Variants in HIPK2 observed in about 807,000 individuals in gnomAD.
The protein encoded by HIPK2 is homeodomain-interacting protein kinase 2.
Under a neutral mutation model 113.7 loss-of-function variants are expected in HIPK2, and 27 were observed. The ratio of observed to expected loss-of-function variants is 0.24; its 90% CI spans 0.17 to 0.33. The LOEUF is 0.33. Among genes scored for constraint, HIPK2 ranks in the 10% least tolerant of loss-of-function variants. The pLI, the probability that HIPK2 is intolerant of heterozygous loss-of-function variation, is 1.00. For missense variants in HIPK2, 1,257 were observed against 1,588.0 expected, an observed-to-expected ratio of 0.79 and a Z score of 3.54; for synonymous variants, 631 against 642.2, an observed-to-expected ratio of 0.98 and a Z score of 0.26.
intron 1 of HIPK2, among the ~76,000 whole-genome samples, chr7:139,744,075 A>T (rs1316298837): frequency 3.9e-5 from 6 of 152,240 alleles, no homozygotes; most frequent in African/African-American, 1.4e-4. Context: ...ATGGGATACC[A>T]AGAAAACTGA....
At chr7:139,575,441 G>A (rs1585227632) in intron 13 of HIPK2, 153 bp from the exon 14 acceptor site, 3 of 423,698 alleles carry the variant, frequency 7.1e-6, no homozygotes, top group Non-Finnish European at 9.5e-6. Context: ...GACCCACTAG[G>A]ACTTTGCCTT....
intron 13 of HIPK2, among the ~76,000 whole-genome samples, chr7:139,576,837 C>T (rs536797490): frequency 8.7e-4 from 132 of 152,330 alleles, no homozygotes; most frequent in African/African-American, 3.0e-3. Context: ...CCCCAGAGGG[C>T]GGGAGCTCTG....
chr7:139,683,490 G>A lies in HIPK2; in HGVS notation c.1103+32442C>T, dbSNP rs79153195. On this transcript the variant is annotated intron_variant, in intron 2 of 14. Transcript: ENST00000406875. The surrounding 1 kb of genome is among the most constrained non-coding windows in gnomAD (Gnocchi z 4.2). ...CTGCTCACAACACGGGAGCCAAAGC[G>A]AGAAATACCAGAGAGAGAGACACAC... is the stretch of plus-strand genomic sequence containing the variant. Among the ~76,000 whole-genome samples the A allele has an allele frequency of 3.8e-3, 579 of 151,538 alleles. No individual in the cohort carries two copies. The highest frequency in any genetic ancestry group is 6.5e-3 in the Non-Finnish European group (439 of 68,028).
rs562319488 is a variant in HIPK2, at chr7:139,608,596, A to C, written c.2113-4373T>G. On this transcript the variant is annotated intron_variant, in intron 9 of 14. Coordinates refer to ENST00000406875, the MANE Select transcript of HIPK2 (RefSeq NM_022740.5). ...GTGAGGCAGCCATCTGAATGTGGGC[A>C]ACCTAATTCCAGTGCCCATGCTTTC... Among the ~76,000 whole-genome samples, 73 of 152,280 alleles carry C rather than the reference A, an allele frequency of 4.8e-4. 1 individual carries two copies. Among genetic ancestry groups the C allele is most frequent in the South Asian group, 3.1e-3 (15 of 4,816 alleles).
intron 2 of HIPK2, among the ~76,000 whole-genome samples, chr7:139,656,978 C>T (rs1480351366): frequency 6.6e-6 from 1 of 152,094 alleles, no homozygotes; most frequent in Non-Finnish European, 1.5e-5. Flanking sequence ...TCAAGTGATT[C>T]TCCTGCCTCA....
In HIPK2 at chr7:139,629,044, C is replaced by G. The variant is rs1288336596; in HGVS notation, c.1348-5G>C. 2 of 1,582,436 alleles carry G rather than the reference C, an allele frequency of 1.3e-6. No individual in the cohort carries two copies. The highest frequency in any genetic ancestry group is 8.6e-7 in the Non-Finnish European group (1 of 1,162,048). ...TGCTTCATGGTCATCTGGTGTCTGT[C>G]AAGAGAGGCAAAAGCCAATTGGTAG... is the stretch of plus-strand genomic sequence containing the variant. On this transcript the variant is annotated splice_polypyrimidine_tract_variant and splice_region_variant and intron_variant, in intron 4 of 14. Transcript: ENST00000406875.
Position 139,583,631 on chromosome 7 carries a change from T to G in HIPK2, c.2965+186A>C, listed in dbSNP as rs1343920083. ...AGGATTAAAGAAGGAAAACGCTGCT[T>G]ATACAATGTGCTGTTCAGCAGAAGC... On this transcript the variant is annotated intron_variant, in intron 13 of 14. Coordinates refer to ENST00000406875, the MANE Select transcript of HIPK2 (RefSeq NM_022740.5). 3.9e-6 allele frequency: 3 copies of G among 768,084 alleles called. No homozygotes were observed. In the East Asian group the frequency reaches 8.2e-5, roughly 21 times the overall value. 47.6% of individuals were successfully genotyped at this position (768,084 alleles called of 1,614,324 possible).
intron 12 of HIPK2, among the ~76,000 whole-genome samples, chr7:139,584,324 T>C (rs1798766645): frequency 6.6e-6 from 1 of 152,156 alleles, no homozygotes; most frequent in Non-Finnish European, 1.5e-5. Context: ...AGTGAGATGC[T>C]TCCGGGCTGG....
intron 2 of HIPK2, among the ~76,000 whole-genome samples, chr7:139,656,358 C>T (rs1801669037): frequency 6.6e-6 from 1 of 152,212 alleles, no homozygotes; most frequent in Non-Finnish European, 1.5e-5. Context: ...ATTTTTTCAT[C>T]TCCAAAATTA....
chr7:139,763,063 TG>T (rs747964817), intron 1 of HIPK2, among the ~76,000 whole-genome samples: 4 of 152,070 alleles, frequency 2.6e-5, no homozygotes, highest in Non-Finnish European at 5.9e-5. Flanking sequence ...AAGGGAAGAC[TG>T]TTGTGTGGGA....
At position 139,571,308 on chromosome 7, in the gene HIPK2, T is replaced by TCGTGGAGG. The variant is rs1478712473; in HGVS notation, c.*1611_*1618dup. 1 of 152,250 alleles carries TCGTGGAGG rather than the reference T, an allele frequency of 6.6e-6. No homozygotes were observed. Among genetic ancestry groups the TCGTGGAGG allele is most frequent in the Admixed American group, 6.5e-5 (1 of 15,282 alleles). 9.4% of individuals were successfully genotyped at this position (152,250 alleles called of 1,614,324 possible). Reference sequence around the variant, plus strand: ...GGGCGAGGCTGAGAGCTCCAGGCTCTCGTGGAGGCGGGAGGGACTGGGGGA... The same window carrying TCGTGGAGG: ...GGGCGAGGCTGAGAGCTCCAGGCTCTCGTGGAGGCGTGGAGGCGGGAGGGACTGGGGGA... On this transcript the variant is annotated 3_prime_UTR_variant, in exon 15 of 15. Coordinates refer to ENST00000406875, the MANE Select transcript of HIPK2 (RefSeq NM_022740.5).
intron 4 of HIPK2, among the ~76,000 whole-genome samples, chr7:139,629,786 TG>T (rs1014809629): frequency 6.6e-6 from 1 of 152,190 alleles, no homozygotes; most frequent in Non-Finnish European, 1.5e-5. Context: ...GCTTAAGTCC[TG>T]GGAACAGCTG....
chr7:139,616,686 A>G lies in HIPK2; in HGVS notation c.1783-2193T>C, dbSNP rs113200707. Among the ~76,000 whole-genome samples, 786 of 152,342 alleles carry G rather than the reference A, an allele frequency of 5.2e-3. 7 individuals carry two copies. The highest frequency in any genetic ancestry group is 0.017 in the African/African-American group (724 of 41,580). On this transcript the variant is annotated intron_variant, in intron 7 of 14. Transcript: ENST00000406875. The stretch of plus-strand genomic sequence containing the variant: ...GCTCCTTCCTTTGCTATCACACAGT[A>G]CAATATAGCCTTCTAGCCCAGCTCC...
chr7:139,578,909 T>A (rs894559943), intron 13 of HIPK2, among the ~76,000 whole-genome samples: 1 of 152,026 alleles, frequency 6.6e-6, no homozygotes, highest in Non-Finnish European at 1.5e-5. Flanking sequence ...TGATCTCAGG[T>A]GATCTGCCCC....
At chr7:139,680,815 A>T (rs972834822) in intron 2 of HIPK2, among the ~76,000 whole-genome samples, 1 of 152,166 alleles carries the variant, frequency 6.6e-6, no homozygotes, top group Non-Finnish European at 1.5e-5. Flanking sequence ...CTGAGAGACA[A>T]TCTGAGCGGG....
intron 2 of HIPK2, among the ~76,000 whole-genome samples, chr7:139,648,934 G>A (rs578155519): frequency 4.6e-5 from 7 of 152,230 alleles, no homozygotes; most frequent in African/African-American, 1.4e-4. Context: ...GGTGGAGGGG[G>A]AAGCAAAACC....
intron 2 of HIPK2, among the ~76,000 whole-genome samples, chr7:139,655,724 T>C (rs1801643640): frequency 6.6e-6 from 1 of 152,318 alleles, no homozygotes; most frequent in Non-Finnish European, 1.5e-5. Context: ...TATGATTACA[T>C]TTGTATTTTG....
Position 139,613,371 on chromosome 7 carries a change from A to G in HIPK2, c.1991-48T>C, listed in dbSNP as rs1362907866. 6.2e-7 allele frequency: 1 copy of G among 1,602,730 alleles called. No homozygotes were observed. The highest frequency in any genetic ancestry group is 2.2e-5 in the East Asian group (1 of 44,578). ...GAGAAGGGTTAGCTGAGACGCTGTG[A>G]ACAGCTGGATGAAAAGAACCTTCCT... On this transcript the variant is annotated intron_variant, in intron 8 of 14. Transcript: ENST00000406875. The surrounding 1 kb of genome is among the most constrained non-coding windows in gnomAD (Gnocchi z 4.2).
At chr7:139,768,188 C>T (rs1796584328) in intron 1 of HIPK2, among the ~76,000 whole-genome samples, 1 of 152,182 alleles carries the variant, frequency 6.6e-6, no homozygotes, top group Non-Finnish European at 1.5e-5. Flanking sequence ...ACTCTTGACC[C>T]AAGACCCACA....
Sources: gnomAD v4.1 joint callset for allele counts (sites outside exome capture counted in the v4.1 genomes callset) on GRCh38, gnomAD v4.1.1 for gene constraint, Gnocchi (gnomAD v3.1) non-coding constraint, MANE v1.5 for transcripts, NCBI Gene and HGNC (gene_info 2026-07-23, HGNC 2026-07-21) for gene names.